PRKAR1B: variants seen among roughly 807,000 people sequenced by gnomAD.
PRKAR1B encodes cAMP-dependent protein kinase type I-beta regulatory subunit.
Under a neutral mutation model 46.5 loss-of-function variants are expected in PRKAR1B, and 22 were observed. That is an observed-to-expected ratio of 0.47 (90% confidence interval 0.34 to 0.68). The LOEUF is 0.68. Among genes scored for constraint, PRKAR1B ranks in the 30% least tolerant of loss-of-function variants. PRKAR1B has a pLI of 0.01. For missense variants in PRKAR1B, 445 were observed against 535.6 expected (o/e 0.83, Z 1.67); for synonymous variants, 259 against 217.7 (o/e 1.19, Z -1.67).
chr7:597,961 G>T (rs1781360066), intron 6 of PRKAR1B, among the ~76,000 whole-genome samples: 4 of 152,180 alleles, frequency 2.6e-5, no homozygotes. Flanking sequence ...AACTCCCAGG[G>T]GACTCTTCCC....
intron 9 of PRKAR1B, among the ~76,000 whole-genome samples, chr7:578,023 G>A (rs147704561): frequency 3.5e-4 from 53 of 152,362 alleles, no homozygotes; most frequent in African/African-American, 1.2e-3. Flanking sequence ...AGACCACATT[G>A]CCATGGAAAG....
chr7:583,290 G>A (rs910924678), intron 8 of PRKAR1B, among the ~76,000 whole-genome samples: 2 of 152,072 alleles, frequency 1.3e-5, no homozygotes, highest in African/African-American at 2.4e-5. Context: ...AGAGAACAGG[G>A]GTCAAAGTCC....
intron 4 of PRKAR1B, among the ~76,000 whole-genome samples, chr7:672,685 T>C (rs1009461176): frequency 6.6e-6 from 1 of 151,332 alleles, no homozygotes; most frequent in African/African-American, 2.4e-5. Flanking sequence ...CTGGCCAACA[T>C]GGTGAAACCC....
rs1284661508 is a variant in PRKAR1B, at chr7:586,932, G to A, written c.709-2364C>T. Among the ~76,000 whole-genome samples the A allele has an allele frequency of 7.5e-5, 11 of 146,608 alleles. No individual in the cohort carries two copies. The Admixed American group carries it at 7.7e-4, about 10-fold the overall frequency. On this transcript the variant is annotated intron_variant, in intron 7 of 10. Coordinates refer to ENST00000537384, the MANE Select transcript of PRKAR1B (RefSeq NM_001164760.2). ...ACAGTCTCACTCTGTTGCCCAGGCT[G>A]GAGTGTAGTGGTGCGATCTCGGCTC... is the stretch of plus-strand genomic sequence containing the variant.
rs1779008374 is a variant in PRKAR1B at position 685,337 on chromosome 7, CGTATATATATGT to C, written c.178-4623_178-4612del. 2.6e-4 allele frequency among the ~76,000 whole-genome samples: 13 copies of C among 49,660 alleles called. 1 individual carries two copies. Among genetic ancestry groups the C allele is most frequent in the African/African-American group, 1.1e-3 (12 of 10,704 alleles). The allele number at this position is 49,660 out of a possible 152,430, so 32.6% of individuals were successfully genotyped here. A position where few individuals can be genotyped will look rare whatever the true frequency, so the allele number is the denominator to read the frequency against. On this transcript the variant is annotated intron_variant, in intron 2 of 10. Coordinates refer to ENST00000537384, the MANE Select transcript of PRKAR1B (RefSeq NM_001164760.2). ...ATATACGTATATATACGTATATATACGTATATATATGTATACATATATATATACACATATATA... is the reference window on the plus strand; with the variant it reads ...ATATACGTATATATACGTATATATACATACATATATATATACACATATATA...
chr7:658,940 C>T (rs950156350), intron 4 of PRKAR1B, among the ~76,000 whole-genome samples: 6 of 152,296 alleles, frequency 3.9e-5, no homozygotes, highest in South Asian at 2.1e-4. Context: ...CATGAGCCAC[C>T]GTGCCTGGCC....
In PRKAR1B at chr7:726,735, G is replaced by C. The variant is rs1457734920; in HGVS notation, c.-23+475C>G. On this transcript the variant is annotated intron_variant, in intron 1 of 10. Transcript: ENST00000537384. Reference sequence around the variant, plus strand: ...ACGCGGGCAAGATGGCGGCGCTGGGGGTGGCGGAGGCCGTGGCGGCCCCAC... The same window carrying C: ...ACGCGGGCAAGATGGCGGCGCTGGGCGTGGCGGAGGCCGTGGCGGCCCCAC... 8.0e-7 allele frequency: 1 copy of C among 1,243,860 alleles called. No homozygotes were observed. The highest frequency in any genetic ancestry group is 1.5e-5 in the African/African-American group (1 of 64,524). 77.1% of individuals were successfully genotyped at this position (1,243,860 alleles called of 1,614,324 possible). A position where few individuals can be genotyped will look rare whatever the true frequency, so the allele number is the denominator to read the frequency against.
intron 1 of PRKAR1B, among the ~76,000 whole-genome samples, chr7:721,778 G>A (rs1781081600): frequency 6.6e-6 from 1 of 152,206 alleles, no homozygotes; most frequent in Non-Finnish European, 1.5e-5. Flanking sequence ...CATTCCTGAA[G>A]GATAGTTTTG....
intron 4 of PRKAR1B, among the ~76,000 whole-genome samples, chr7:630,299 C>G (rs559827250): frequency 6.6e-6 from 1 of 152,324 alleles, no homozygotes; most frequent in East Asian, 1.9e-4. Flanking sequence ...CCAGCCCCAT[C>G]GGAGAGGCAA....
chr7:619,785 T>A (rs754434029), intron 4 of PRKAR1B, among the ~76,000 whole-genome samples: 39 of 152,386 alleles, frequency 2.6e-4, no homozygotes, highest in Admixed American at 1.2e-3. Context: ...GTTTCAAAGA[T>A]GACTTAGTTA....
At chr7:651,504 C>A (rs1404238845) in intron 4 of PRKAR1B, among the ~76,000 whole-genome samples, 1 of 151,462 alleles carries the variant, frequency 6.6e-6, no homozygotes, top group Non-Finnish European at 1.5e-5. Flanking sequence ...ACCTGGGAAA[C>A]CCCCTGTCAG....
At position 602,761 on chromosome 7, in the gene PRKAR1B, G is replaced by A; in HGVS notation, c.549+3432C>T. On this transcript the variant is annotated intron_variant, in intron 6 of 10. Coordinates refer to ENST00000537384, the MANE Select transcript of PRKAR1B (RefSeq NM_001164760.2). The surrounding 1 kb of genome is among the most constrained non-coding windows in gnomAD (Gnocchi z 6.4). ...GCGGCCAATGGCTTCCACACCAGGG[G>A]CCAAGAGCAGAACCCCAGGAGGGTT... The A allele has an allele frequency of 5.9e-6, 1 of 169,144 alleles. No individual in the cohort carries two copies. Among genetic ancestry groups the A allele is most frequent in the Non-Finnish European group, 1.5e-5 (1 of 68,554 alleles). 10.5% of individuals were successfully genotyped at this position (169,144 alleles called of 1,614,324 possible).
At chr7:670,720 G>A (rs1007092755) in intron 4 of PRKAR1B, among the ~76,000 whole-genome samples, 6 of 151,634 alleles carry the variant, frequency 4.0e-5, no homozygotes, top group Non-Finnish European at 7.4e-5. Flanking sequence ...GCATCCAGCA[G>A]AGGGACTCAG....
chr7:662,926 C>T (rs546712772), intron 4 of PRKAR1B, among the ~76,000 whole-genome samples: 14 of 152,324 alleles, frequency 9.2e-5, no homozygotes, highest in African/African-American at 3.1e-4. Flanking sequence ...GTTCATCACC[C>T]TCTTCCTTCC....
chr7:613,186 G>C (rs1782622877), intron 4 of PRKAR1B, among the ~76,000 whole-genome samples: 2 of 151,482 alleles, frequency 1.3e-5, no homozygotes, highest in Admixed American at 1.3e-4. Context: ...GCAACTGTGG[G>C]GTGGAGAGGG....
intron 4 of PRKAR1B, among the ~76,000 whole-genome samples, chr7:661,505 CT>C: frequency 9.6e-6 from 1 of 104,068 alleles, no homozygotes; most frequent in African/African-American, 4.0e-5. Flanking sequence ...TACTCTTCCC[CT>C]CCATGGCACA....
intron 7 of PRKAR1B, among the ~76,000 whole-genome samples, chr7:594,833 TGAG>T (rs1781181307): frequency 6.6e-6 from 1 of 151,800 alleles, no homozygotes; most frequent in Non-Finnish European, 1.5e-5. Flanking sequence ...CCCTAGACCA[TGAG>T]GAGTCCCCCC....
intron 1 of PRKAR1B, chr7:726,605 G>C: frequency 1.2e-6 from 1 of 811,102 alleles, no homozygotes; most frequent in Non-Finnish European, 1.6e-6. Flanking sequence ...CGTGCGCACC[G>C]GCGGGGAGGA....
At chr7:627,922 C>T (rs1275932971) in intron 4 of PRKAR1B, among the ~76,000 whole-genome samples, 1 of 152,080 alleles carries the variant, frequency 6.6e-6, no homozygotes, top group African/African-American at 2.4e-5. Flanking sequence ...CACACAGCCC[C>T]TGTCTCATAA....
Sources: allele counts gnomAD v4.1 joint callset (sites outside exome capture counted in the v4.1 genomes callset), GRCh38; gene constraint gnomAD v4.1.1; non-coding constraint Gnocchi (gnomAD v3.1); transcripts MANE v1.5; gene names NCBI Gene and HGNC (gene_info 2026-07-23, HGNC 2026-07-21).